The following TEF variants were observed in gnomAD, a reference collection of about 807,000 sequenced individuals.
TEF encodes TEF transcription factor, PAR bZIP family member.
Under a neutral mutation model 20.8 loss-of-function variants are expected in TEF, and 3 were observed. The ratio of observed to expected loss-of-function variants is 0.14; its 90% CI spans 0.07 to 0.37. The LOEUF (loss-of-function observed/expected upper bound fraction) is 0.37, where lower values mean the gene tolerates loss of function less well. Among genes scored for constraint, TEF ranks in the 10% least tolerant of loss-of-function variants. TEF has a pLI of 1.00. For synonymous variants in TEF, 180 were observed against 171.1 expected, an observed-to-expected ratio of 1.05 and a Z score of -0.41; for missense variants, 296 against 397.9, an observed-to-expected ratio of 0.74 and a Z score of 2.18.
intron 1 of TEF, among the ~76,000 whole-genome samples, chr22:41,386,111 C>T (rs938724473): frequency 6.6e-6 from 1 of 152,214 alleles, no homozygotes. Flanking sequence ...AATCCTGACC[C>T]CCCCGCACCT....
intron 1 of TEF, among the ~76,000 whole-genome samples, chr22:41,383,604 C>G (rs79312113): frequency 6.6e-6 from 1 of 152,198 alleles, no homozygotes; most frequent in Non-Finnish European, 1.5e-5. Flanking sequence ...ACAGCTATAA[C>G]TTTTGACCCT....
upstream of TEF, among the ~76,000 whole-genome samples, chr22:41,381,264 G>A (rs1321070723): frequency 2.6e-5 from 4 of 152,194 alleles, no homozygotes; most frequent in Admixed American, 6.5e-5. Flanking sequence ...CCGCGACCCT[G>A]GGCAGAGTCC....
upstream of TEF, among the ~76,000 whole-genome samples, chr22:41,378,714 C>T (rs1372227123): frequency 6.6e-6 from 1 of 151,920 alleles, no homozygotes; most frequent in Non-Finnish European, 1.5e-5. Context: ...TCAGGTGATC[C>T]GCCTGCCTCA....
At chr22:41,369,805 G>A (rs1365457952) in intron 1 of TEF, 1 of 662,960 alleles carries the variant, frequency 1.5e-6, no homozygotes, top group Non-Finnish European at 1.9e-6. Flanking sequence ...CAGAGGCCAG[G>A]TGCTCCAGAA....
chr22:41,382,674 C>A (rs1473670185), intron 1 of TEF, among the ~76,000 whole-genome samples: 1 of 152,076 alleles, frequency 6.6e-6, no homozygotes, highest in African/African-American at 2.4e-5. Flanking sequence ...TGTCATCGTA[C>A]GTGGCCTTAC....
chr22:41,390,495 C>CTTTTT (rs11358311), intron 2 of TEF, among the ~76,000 whole-genome samples: 117 of 80,332 alleles, frequency 1.5e-3, no homozygotes, highest in Middle Eastern at 9.1e-3. Flanking sequence ...TCATTGTCAT[C>CTTTTT]TTTTTTTTTT....
In TEF at chr22:41,397,517, G is replaced by C. The variant is rs979378957; in HGVS notation, c.*1557G>C. ...GTGGTGGTTCAGAGTCCCAGGCCCT[G>C]ACCTCTAAAGACTTTTCATAACAGA... On this transcript the variant is annotated 3_prime_UTR_variant, in exon 4 of 4. Coordinates refer to ENST00000266304, the MANE Select transcript of TEF (RefSeq NM_003216.4). 2 of 158,590 alleles carry C rather than the reference G, an allele frequency of 1.3e-5. No homozygotes were observed. Among genetic ancestry groups the C allele is most frequent in the African/African-American group, 4.8e-5 (2 of 41,742 alleles). 9.8% of individuals were successfully genotyped at this position (158,590 alleles called of 1,614,324 possible).
upstream of TEF, among the ~76,000 whole-genome samples, chr22:41,377,455 T>C (rs982616526): frequency 2.0e-5 from 3 of 152,208 alleles, no homozygotes; most frequent in African/African-American, 7.2e-5. Context: ...GTTCTTCTTA[T>C]GGGGTTTATT....
rs1043778048 is a variant in TEF, at chr22:41,382,170, G to C, written c.126G>C (p.Leu42=). Residue 42 remains leucine (L), a synonymous_variant, in exon 1 of 4, where the codon CTG becomes CTC. Coordinates refer to ENST00000266304, the MANE Select transcript of TEF (RefSeq NM_003216.4). The part of the protein sequence containing the change: ...SGSFPLVLKK[L]MENPPREARL... ...CCTTCCCCCTGGTCCTGAAGAAGCTGATGGAGAACCCCCCGCGCGAGGCGC... is the reference window on the plus strand; with the variant it reads ...CCTTCCCCCTGGTCCTGAAGAAGCTCATGGAGAACCCCCCGCGCGAGGCGC... 2.4e-6 allele frequency: 3 copies of C among 1,238,876 alleles called. No individual in the cohort carries two copies. In the African/African-American group the frequency reaches 4.6e-5, roughly 19 times the overall value. 76.7% of individuals were successfully genotyped at this position (1,238,876 alleles called of 1,614,324 possible).
chr22:41,395,173 T>C (rs191400647), intron 3 of TEF, among the ~76,000 whole-genome samples: 73 of 152,134 alleles, frequency 4.8e-4, no homozygotes, highest in African/African-American at 1.6e-3. Flanking sequence ...CGCCGGCTAA[T>C]TTTTGTATTC....
chr22:41,393,828 G>T (rs539847477), intron 2 of TEF, among the ~76,000 whole-genome samples: 1 of 152,036 alleles, frequency 6.6e-6, no homozygotes, highest in African/African-American at 2.4e-5. Flanking sequence ...GGAGGGGGTG[G>T]AAACAATTGG....
chr22:41,395,589 C>G (rs1376508183), intron 3 of TEF, among the ~76,000 whole-genome samples, 156 bp from the exon 4 acceptor site: 3 of 152,106 alleles, frequency 2.0e-5, no homozygotes, highest in African/African-American at 7.2e-5. Context: ...GGGCAGTGCC[C>G]TCAATGTGCC....
At chr22:41,372,180 A>G (rs2036890619) in intron 1 of TEF, among the ~76,000 whole-genome samples, 1 of 152,148 alleles carries the variant, frequency 6.6e-6, no homozygotes, top group African/African-American at 2.4e-5. Context: ...GAGAAAATGA[A>G]CAAAGAGGCA....
chr22:41,382,783 G>A (rs186912121), intron 1 of TEF, among the ~76,000 whole-genome samples: 1 of 151,246 alleles, frequency 6.6e-6, no homozygotes, highest in Non-Finnish European at 1.5e-5. Context: ...CTGAGCGGGT[G>A]GGGGGGGTGT....
intron 2 of TEF, among the ~76,000 whole-genome samples, chr22:41,392,847 GC>G (rs1194607967): frequency 2.0e-5 from 3 of 151,988 alleles, no homozygotes; most frequent in African/African-American, 7.2e-5. Flanking sequence ...GACCAGCCTG[GC>G]CAACATGGTG....
chr22:41,394,386 A>G, intron 3 of TEF, 70 bp downstream of exon 3: 1 of 1,422,664 alleles, frequency 7.0e-7, no homozygotes. Context: ...GGCTCCTCGC[A>G]TTTGATTTTA....
upstream of TEF, among the ~76,000 whole-genome samples, chr22:41,377,730 C>G (rs2036961050): frequency 6.6e-6 from 1 of 152,202 alleles, no homozygotes; most frequent in African/African-American, 2.4e-5. Context: ...TGCAACGCTC[C>G]TGCAGTATTT....
upstream of TEF, among the ~76,000 whole-genome samples, chr22:41,381,123 C>T (rs1299639171): frequency 5.9e-5 from 9 of 152,204 alleles, no homozygotes; most frequent in Non-Finnish European, 7.4e-5. Context: ...AACCCGACAC[C>T]CCGCTCTAGG....
intron 2 of TEF, 111 bp from the exon 3 acceptor site, chr22:41,393,985 G>A: frequency 1.1e-6 from 1 of 911,112 alleles, no homozygotes; most frequent in East Asian, 2.5e-5. Context: ...CTTCTCCCCA[G>A]GCGGCAGTGG....
Sources: allele counts gnomAD v4.1 joint callset (sites outside exome capture counted in the v4.1 genomes callset), GRCh38; gene constraint gnomAD v4.1.1; transcripts MANE v1.5; gene names NCBI Gene and HGNC (gene_info 2026-07-23, HGNC 2026-07-21).